EXOC3L4: variants seen among roughly 807,000 people sequenced by gnomAD.
EXOC3L4 encodes exocyst complex component 3 like 4, also known as exocyst complex component 3-like protein 4.
Under a neutral mutation model 69.7 loss-of-function variants are expected in EXOC3L4, and 62 were observed. The ratio of observed to expected loss-of-function variants is 0.89; its 90% CI spans 0.72 to 1.10. The LOEUF (loss-of-function observed/expected upper bound fraction) is 1.10, where lower values mean the gene tolerates loss of function less well. Among genes scored for constraint, EXOC3L4 ranks in the 50% least tolerant of loss-of-function variants. EXOC3L4 has a pLI of 0.00. For synonymous variants in EXOC3L4, 502 were observed against 464.2 expected, an observed-to-expected ratio of 1.08 and a Z score of -1.05; for missense variants, 1,087 against 1,034.8, an observed-to-expected ratio of 1.05 and a Z score of -0.69.
chr14:103,105,207 T>A (rs919209636), intron 7 of EXOC3L4, 135 bp downstream of exon 7: 3 of 879,826 alleles, frequency 3.4e-6, no homozygotes, highest in Non-Finnish European at 5.1e-6. Context: ...TTTGTGTCTG[T>A]GTGTTGGTGG....
intron 1 of EXOC3L4, among the ~76,000 whole-genome samples, chr14:103,095,313 T>C (rs1333701392): frequency 6.6e-6 from 1 of 152,206 alleles, no homozygotes; most frequent in Non-Finnish European, 1.5e-5. Context: ...CTCCCTGCCT[T>C]GCGGGTCTCC....
intron 11 of EXOC3L4, among the ~76,000 whole-genome samples, chr14:103,108,995 C>T (rs1890744846): frequency 6.6e-6 from 1 of 151,938 alleles, no homozygotes; most frequent in Admixed American, 6.6e-5. Flanking sequence ...CCCAGGCCAC[C>T]CTGCCATGGG....
chr14:103,104,522 G>A, intron 5 of EXOC3L4, 133 bp downstream of exon 5: 1 of 1,355,966 alleles, frequency 7.4e-7, no homozygotes, highest in Non-Finnish European at 9.6e-7. Context: ...GCCCCACGCG[G>A]GGGGAAATCG....
chr14:103,108,453 G>A lies in EXOC3L4; in HGVS notation c.1912G>A (p.Glu638Lys), dbSNP rs757105801. 3.9e-5 allele frequency: 63 copies of A among 1,613,890 alleles called. No homozygotes were observed. Among genetic ancestry groups the A allele is most frequent in the Admixed American group, 5.0e-5 (3 of 59,990 alleles). The change falls in exon 11 of 12, where the codon GAG (glutamate) becomes AAG (lysine). Residue 638 changes from glutamate (E) to lysine (K), a missense_variant. Physicochemically the swap from Glu to Lys is moderately conservative, Grantham distance 56. Coordinates refer to ENST00000688303, the MANE Select transcript of EXOC3L4 (RefSeq NM_001077594.2). ...CCAGTGCGTGGCTGAGATCCTGGGCGAGACCTACAAAGATGACATCCAGCG... is the reference window on the plus strand; with the variant it reads ...CCAGTGCGTGGCTGAGATCCTGGGCAAGACCTACAAAGATGACATCCAGCG... ...AIQCVAEILG[E>K]TYKDDIQRHL... is the part of the protein sequence containing the mutation.
At chr14:103,101,402 C>A (rs923348969) in intron 2 of EXOC3L4, among the ~76,000 whole-genome samples, 3 of 152,270 alleles carry the variant, frequency 2.0e-5, no homozygotes, top group Admixed American at 6.5e-5. Context: ...GGGAGCCCCC[C>A]CATTGGGCAG....
At chr14:103,101,600 C>T (rs1342470273) in intron 2 of EXOC3L4, among the ~76,000 whole-genome samples, 1 of 152,014 alleles carries the variant, frequency 6.6e-6, no homozygotes, top group Non-Finnish European at 1.5e-5. Context: ...GTGCAAGGCT[C>T]GCAGAGGTAC....
Position 103,102,204 on chromosome 14 carries a change from G to A in EXOC3L4, c.481G>A (p.Ala161Thr). ...QLLRLETLLV[A>T]EKASRTFEQD... ...TCTGCGCCTGGAGACGCTGCTGGTG[G>A]CCGAGAAGGCCTCGCGCACCTTTGA... is the stretch of plus-strand genomic sequence containing the variant. Residue 161 changes from alanine to threonine, a missense_variant, in exon 3 of 12, where the codon GCC (alanine) becomes ACC (threonine). By Grantham distance (58) the Ala-to-Thr change is moderately conservative. Coordinates refer to ENST00000688303, the MANE Select transcript of EXOC3L4 (RefSeq NM_001077594.2). 1 of 1,595,936 alleles carries A rather than the reference G, an allele frequency of 6.3e-7. No homozygotes were observed. Among genetic ancestry groups the A allele is most frequent in the South Asian group, 1.1e-5 (1 of 88,270 alleles).
intron 2 of EXOC3L4, 113 bp from the exon 3 acceptor site, chr14:103,102,005 G>C (rs1890210076): frequency 8.7e-7 from 1 of 1,150,938 alleles, no homozygotes; most frequent in African/African-American, 1.6e-5. Context: ...TGGGGCATCT[G>C]GCAGAGGACA....
intron 1 of EXOC3L4, among the ~76,000 whole-genome samples, chr14:103,096,494 A>T (rs748809102): frequency 2.7e-5 from 4 of 150,398 alleles, no homozygotes; most frequent in Non-Finnish European, 5.9e-5. Flanking sequence ...TTGCCAGCTC[A>T]AATGCCTGGG....
intron 1 of EXOC3L4, among the ~76,000 whole-genome samples, chr14:103,099,538 C>A (rs1890058126): frequency 6.6e-6 from 1 of 152,240 alleles, no homozygotes; most frequent in Non-Finnish European, 1.5e-5. Flanking sequence ...CCCGAGGCTC[C>A]TCCTTCTGCC....
In EXOC3L4 at chr14:103,104,206, C is replaced by T. The variant is rs1245884731; in HGVS notation, c.1162-61C>T. 5.4e-6 allele frequency: 8 copies of T among 1,482,016 alleles called. No homozygotes were observed. The East Asian group carries it at 1.5e-4, about 29-fold the overall frequency. The allele number at this position is 1,482,016 out of a possible 1,614,324, so 91.8% of individuals were successfully genotyped here. A position where few individuals can be genotyped will look rare whatever the true frequency, so the allele number is the denominator to read the frequency against. On this transcript the variant is annotated intron_variant, in intron 4 of 11. Transcript: ENST00000688303. ...GTGACCCGACAGGGCGGCCCTCATC[C>T]CGGACGGCGCGGGACGGGGTCTGGG...
At chr14:103,108,852 T>G (rs1479523030) in intron 11 of EXOC3L4, among the ~76,000 whole-genome samples, 1 of 152,126 alleles carries the variant, frequency 6.6e-6, no homozygotes, top group African/African-American at 2.4e-5. Flanking sequence ...AAGGAGGTTT[T>G]GATCCCGGGT....
intron 1 of EXOC3L4, 52 bp from the exon 2 acceptor site, chr14:103,100,152 G>A: frequency 6.8e-7 from 1 of 1,466,224 alleles, no homozygotes; most frequent in Non-Finnish European, 9.1e-7. Context: ...GCCCCACAGG[G>A]CCACAACAGG....
chr14:103,097,697 T>C lies in EXOC3L4; in HGVS notation c.-16-2507T>C, dbSNP rs1218563715. On this transcript the variant is annotated intron_variant, in intron 1 of 11. Transcript: ENST00000688303. This position sits in a 1 kb window ranked among gnomAD's most constrained non-coding sequence, Gnocchi z 4.9. The stretch of plus-strand genomic sequence containing the variant: ...GCCGAGTACCCACTGAGCAGATAGA[T>C]GGTGACGGCCGGTGGTGCAAGGCAT... Among the ~76,000 whole-genome samples the C allele has an allele frequency of 6.6e-6, 1 of 152,010 alleles. No individual in the cohort carries two copies. The highest frequency in any genetic ancestry group is 1.5e-5 in the Non-Finnish European group (1 of 68,006).
In EXOC3L4 at chr14:103,100,245, C is replaced by T; in HGVS notation, c.26C>T (p.Pro9Leu). 2 of 1,581,988 alleles carry T rather than the reference C, an allele frequency of 1.3e-6. No individual in the cohort carries two copies. The highest frequency in any genetic ancestry group is 1.7e-4 in the Middle Eastern group (1 of 5,900). Residue 9 changes from proline (P) to leucine (L), a missense_variant, in exon 2 of 12, where the codon CCT becomes CTT. By Grantham distance (98) the Pro-to-Leu change is moderately conservative. Transcript: ENST00000688303. MPSPQTDT[P>L]GPELQSPKEA... ...ATGCCATCACCACAGACAGACACTCCTGGGCCGGAGCTGCAGAGTCCCAAG... is the reference window on the plus strand; with the variant it reads ...ATGCCATCACCACAGACAGACACTCTTGGGCCGGAGCTGCAGAGTCCCAAG...
chr14:103,100,058 TG>T, intron 1 of EXOC3L4, 145 bp from the exon 2 acceptor site: 1 of 836,160 alleles, frequency 1.2e-6, no homozygotes, highest in Non-Finnish European at 1.8e-6. Context: ...GCCAAGAGAG[TG>T]GCCTGGTGAT....
rs907334327 is a variant in EXOC3L4 at position 103,105,013 on chromosome 14, G to A, written c.1407G>A (p.Ala469=). ...CCAGGTTTGAAAAGGCTTTTCTGGC[G>A]TCGGAGGCGGTGAGCGAGCCGCACC... ...FVPRFEKAFL[A]SEAVSEPHLG... Residue 469 remains alanine (A), a synonymous_variant, in exon 7 of 12, where the codon GCG becomes GCA. Transcript: ENST00000688303. 6.2e-7 allele frequency: 1 copy of A among 1,612,434 alleles called. No homozygotes were observed. The highest frequency in any genetic ancestry group is 1.7e-5 in the Admixed American group (1 of 59,942).
In EXOC3L4 at chr14:103,107,542, A is replaced by G; in HGVS notation, c.1700A>G (p.Gln567Arg). Residue 567 changes from glutamine to arginine, a missense_variant and splice_region_variant, in exon 9 of 12, where the codon CAG becomes CGG. By Grantham distance (43) the Gln-to-Arg change is conservative (BLOSUM62 1). Coordinates refer to ENST00000688303, the MANE Select transcript of EXOC3L4 (RefSeq NM_001077594.2). ...CAGCGTGTGGCCCGGCCGCGGGCACAGGTACCACAAGGGGGAGGGCCCTGG... is the reference window on the plus strand; with the variant it reads ...CAGCGTGTGGCCCGGCCGCGGGCACGGGTACCACAAGGGGGAGGGCCCTGG... ...HLQRVARPRA[Q>R]ETLQEVHRFV... The G allele has an allele frequency of 6.2e-7, 1 of 1,613,492 alleles. No individual in the cohort carries two copies. Among genetic ancestry groups the G allele is most frequent in the South Asian group, 1.1e-5 (1 of 91,064 alleles).
rs1890577555 is a variant in EXOC3L4, at chr14:103,106,821, G to A, written c.1503G>A (p.Glu501=). ...SLLSRFPGTQ[E]ELEKPLVTAT... is the part of the protein sequence containing the mutation. ...TCTCCAGGTTCCCAGGAACCCAAGA[G>A]GAGCTGGAGAAGCCCCTGGTGACGG... The change falls in exon 8 of 12, where the codon GAG becomes GAA. Residue 501 remains glutamate (E), a synonymous_variant. Coordinates refer to ENST00000688303, the MANE Select transcript of EXOC3L4 (RefSeq NM_001077594.2). 1.3e-6 allele frequency: 2 copies of A among 1,595,092 alleles called. No homozygotes were observed. Among genetic ancestry groups the A allele is most frequent in the Non-Finnish European group, 1.7e-6 (2 of 1,170,262 alleles).
Sources: gnomAD v4.1 joint callset for allele counts (sites outside exome capture counted in the v4.1 genomes callset) on GRCh38, gnomAD v4.1.1 for gene constraint, Gnocchi (gnomAD v3.1) non-coding constraint, MANE v1.5 for transcripts, NCBI Gene and HGNC (gene_info 2026-07-23, HGNC 2026-07-21) for gene names.